LARP4B: variants seen among roughly 807,000 people sequenced by gnomAD.
LARP4B encodes La ribonucleoprotein 4B, also known as la-related protein 4B.
Under a neutral mutation model 89.8 loss-of-function variants are expected in LARP4B, and 12 were observed. The observed-to-expected ratio is 0.13, with a 90% CI of 0.09 to 0.22. The LOEUF (loss-of-function observed/expected upper bound fraction) is 0.22. Among genes scored for constraint, LARP4B ranks in the 10% least tolerant of loss-of-function variants. LARP4B has a pLI of 1.00. For synonymous variants in LARP4B, 367 were observed against 363.3 expected, an observed-to-expected ratio of 1.01 and a Z score of -0.12; for missense variants, 757 against 947.7, an observed-to-expected ratio of 0.80 and a Z score of 2.64.
chr10:934,877 G>A (rs1214464459), upstream of LARP4B, among the ~76,000 whole-genome samples: 1 of 152,084 alleles, frequency 6.6e-6, no homozygotes, highest in Non-Finnish European at 1.5e-5. Flanking sequence ...TGATTCAGTG[G>A]CGTCGCGGTT....
At chr10:929,119 TTC>T (rs2132068179) in intron 1 of LARP4B, among the ~76,000 whole-genome samples, 1 of 152,312 alleles carries the variant, frequency 6.6e-6, no homozygotes, top group East Asian at 1.9e-4. Flanking sequence ...TTATCTTTTT[TTC>T]TGTCTGGTTC....
chr10:985,399 A>G, the LARP4B span: 13 of 152,346 alleles, frequency 8.5e-5, no homozygotes, highest in African/African-American at 2.6e-4. Flanking sequence ...TAATTCACAT[A>G]AAGTATTTTT....
chr10:849,744 A>G (rs1264754794), intron 5 of LARP4B, among the ~76,000 whole-genome samples: 2 of 152,244 alleles, frequency 1.3e-5, no homozygotes, highest in Non-Finnish European at 2.9e-5. Flanking sequence ...GTGGTAAGTC[A>G]CGTTGACAAT....
In LARP4B at chr10:914,625, T is replaced by C. The variant is rs938343197; in HGVS notation, c.-40+16803A>G. 4.6e-5 allele frequency among the ~76,000 whole-genome samples: 7 copies of C among 151,690 alleles called. No homozygotes were observed. The East Asian group carries it at 7.8e-4, about 17-fold the overall frequency. On this transcript the variant is annotated intron_variant, in intron 1 of 17. Coordinates refer to ENST00000316157, the MANE Select transcript of LARP4B (RefSeq NM_015155.3). ...ACCTGACCAACATGGTGAAACCCCA[T>C]CTCTACTAAAAACACAAAAATTAGC...
chr10:987,876 C>G, the LARP4B span: 1 of 152,392 alleles, frequency 6.6e-6, no homozygotes, highest in African/African-American at 2.4e-5. Context: ...TTAACAAGCA[C>G]GAGAAAGCAG....
chr10:857,645 T>C (rs964056959), intron 5 of LARP4B, among the ~76,000 whole-genome samples: 6 of 152,134 alleles, frequency 3.9e-5, no homozygotes, highest in African/African-American at 1.4e-4. Flanking sequence ...GCTCGGGAGT[T>C]TGTCTTAATA....
intron 5 of LARP4B, among the ~76,000 whole-genome samples, chr10:854,450 T>C (rs544374590): frequency 6.6e-6 from 1 of 152,356 alleles, no homozygotes; most frequent in East Asian, 1.9e-4. Flanking sequence ...CCTTGATCCA[T>C]AGGCTACCGA....
chr10:915,081 T>A (rs1211791110), intron 1 of LARP4B, among the ~76,000 whole-genome samples: 2 of 151,974 alleles, frequency 1.3e-5, no homozygotes, highest in Non-Finnish European at 2.9e-5. Flanking sequence ...TAAGAAAAAA[T>A]TTTAAGTGGT....
Position 822,369 on chromosome 10 carries a change from C to G in LARP4B, c.1485-1524G>C, listed in dbSNP as rs1019465563. On this transcript the variant is annotated intron_variant, in intron 13 of 17. Coordinates refer to ENST00000316157, the MANE Select transcript of LARP4B (RefSeq NM_015155.3). This position sits in a 1 kb window ranked among gnomAD's most constrained non-coding sequence, Gnocchi z 4.6. ...CAGGGCTCGGCACAGGGCATCCCTCCGCCAAGGGCAGCCTGCTCGTCACTA... is the reference window on the plus strand; with the variant it reads ...CAGGGCTCGGCACAGGGCATCCCTCGGCCAAGGGCAGCCTGCTCGTCACTA... 1.3e-5 allele frequency among the ~76,000 whole-genome samples: 2 copies of G among 152,204 alleles called. No individual in the cohort carries two copies. The highest frequency in any genetic ancestry group is 6.5e-5 in the Admixed American group (1 of 15,284).
chr10:976,587 C>A, the LARP4B span, among the ~76,000 whole-genome samples: 3 of 145,724 alleles, frequency 2.1e-5, no homozygotes, highest in African/African-American at 5.2e-5. Context: ...AGAAGGTAGG[C>A]CTGCCGTGTA....
In LARP4B at chr10:896,199, C is replaced by T. The variant is rs1174645318; in HGVS notation, c.-39-10439G>A. Among the ~76,000 whole-genome samples the T allele has an allele frequency of 2.6e-5, 4 of 152,216 alleles. No homozygotes were observed. The South Asian group carries it at 6.2e-4, about 24-fold the overall frequency. ...TCTCAATGTGTGGTGTAGGCATAGT[C>T]CAGAGTCCCAGAAACACTTCCAGTG... On this transcript the variant is annotated intron_variant, in intron 1 of 17. Transcript: ENST00000316157.
intron 3 of LARP4B, among the ~76,000 whole-genome samples, chr10:877,488 A>G (rs577393703): frequency 1.3e-5 from 2 of 152,354 alleles, no homozygotes; most frequent in Non-Finnish European, 2.9e-5. Context: ...GGTGCCAAAT[A>G]CAAAGTATTT....
chr10:958,945 G>C, the LARP4B span, among the ~76,000 whole-genome samples: 2 of 152,218 alleles, frequency 1.3e-5, no homozygotes, highest in Admixed American at 1.3e-4. Context: ...GAAGGACAAA[G>C]AGCCCAGGAG....
At chr10:970,582 G>A in the LARP4B span, among the ~76,000 whole-genome samples, 2 of 152,178 alleles carry the variant, frequency 1.3e-5, no homozygotes, top group Non-Finnish European at 2.9e-5. Context: ...TCTGCCCTGA[G>A]TGACCACTGA....
chr10:876,170 G>A (rs1388517922), intron 3 of LARP4B, among the ~76,000 whole-genome samples: 1 of 152,164 alleles, frequency 6.6e-6, no homozygotes, highest in African/African-American at 2.4e-5. Context: ...CGGATCACCT[G>A]AGATCAAAAG....
At chr10:947,044 AT>A in the LARP4B span, among the ~76,000 whole-genome samples, 12 of 152,076 alleles carry the variant, frequency 7.9e-5, no homozygotes, top group African/African-American at 2.9e-4. Flanking sequence ...TAATTTTTAT[AT>A]TTTTAGTAGA....
At chr10:862,256 TA>T (rs10661482) in intron 5 of LARP4B, among the ~76,000 whole-genome samples, 3,524 of 84,448 alleles carry the variant, frequency 0.042, 54 homozygotes, top group Non-Finnish European at 0.052. Context: ...CCACTGAAGT[TA>T]AAAAAAAAAA....
chr10:876,134 C>T (rs1835441304), intron 3 of LARP4B, among the ~76,000 whole-genome samples: 1 of 152,142 alleles, frequency 6.6e-6, no homozygotes, highest in South Asian at 2.1e-4. Flanking sequence ...GCCTGTAATC[C>T]CAACACTTAG....
chr10:843,838 T>A (rs1375065122), intron 6 of LARP4B, among the ~76,000 whole-genome samples: 1 of 152,158 alleles, frequency 6.6e-6, no homozygotes, highest in Non-Finnish European at 1.5e-5. Flanking sequence ...AGGGCCTATA[T>A]CCAGCCCTGG....
Sources: allele counts gnomAD v4.1 joint callset (sites outside exome capture counted in the v4.1 genomes callset), GRCh38; gene constraint gnomAD v4.1.1; non-coding constraint Gnocchi (gnomAD v3.1); transcripts MANE v1.5; gene names NCBI Gene and HGNC (gene_info 2026-07-23, HGNC 2026-07-21).